Variants in FSTL5 observed in about 807,000 individuals in gnomAD.
FSTL5 encodes the protein follistatin-related protein 5.
FSTL5 carries 62 observed loss-of-function variants against 89.1 expected under a neutral mutation model. That is an observed-to-expected ratio of 0.70 (90% CI 0.57 to 0.86). The LOEUF (loss-of-function observed/expected upper bound fraction) is 0.86, where lower values mean the gene tolerates loss of function less well. Among genes scored for constraint, FSTL5 ranks in the 40% least tolerant of loss-of-function variants. FSTL5 has a pLI of 0.00. For synonymous variants in FSTL5, 383 were observed against 346.2 expected (o/e 1.11, Z -1.18); for missense variants, 1,057 against 1,001.6 (o/e 1.06, Z -0.75).
At chr4:161,929,408 C>G (rs1388427506) in intron 3 of FSTL5, among the ~76,000 whole-genome samples, 1 of 151,592 alleles carries the variant, frequency 6.6e-6, no homozygotes, top group Non-Finnish European at 1.5e-5. Flanking sequence ...GCTCAATATG[C>G]CTGTCTTCTT....
intron 7 of FSTL5, among the ~76,000 whole-genome samples, chr4:161,636,487 G>C (rs1343577923): frequency 3.2e-5 from 3 of 94,808 alleles, no homozygotes; most frequent in Non-Finnish European, 6.4e-5. Flanking sequence ...TATACTTTAA[G>C]TTTTAGGGTA....
chr4:161,688,592 A>G (rs1400784789), intron 6 of FSTL5, among the ~76,000 whole-genome samples: 4 of 152,178 alleles, frequency 2.6e-5, no homozygotes, highest in African/African-American at 9.7e-5. Context: ...AGGGCCATTT[A>G]TATTTCACCA....
intron 3 of FSTL5, among the ~76,000 whole-genome samples, chr4:161,943,642 G>A (rs1300146773): frequency 2.4e-5 from 3 of 124,056 alleles, no homozygotes; most frequent in South Asian, 2.8e-4. Flanking sequence ...TGCAAGCCCC[G>A]CCTCCAAGGT....
At chr4:161,809,409 T>A (rs1036076633) in intron 4 of FSTL5, among the ~76,000 whole-genome samples, 3 of 152,212 alleles carry the variant, frequency 2.0e-5, no homozygotes, top group African/African-American at 7.2e-5. Context: ...GAAGCTGCTA[T>A]GGAAAAGACT....
At chr4:161,459,004 A>C (rs532047453) in intron 14 of FSTL5, among the ~76,000 whole-genome samples, 164 of 152,226 alleles carry the variant, frequency 1.1e-3, no homozygotes, top group Non-Finnish European at 1.8e-3. Context: ...ATATAAATAT[A>C]ACCTTTAATA....
At chr4:161,742,874 A>C (rs913135610) in intron 6 of FSTL5, among the ~76,000 whole-genome samples, 18 of 152,218 alleles carry the variant, frequency 1.2e-4, no homozygotes, top group African/African-American at 4.3e-4. Context: ...ACATTCAAAG[A>C]ATATATTGAT....
chr4:161,789,682 T>G (rs896793248), intron 4 of FSTL5, among the ~76,000 whole-genome samples: 5 of 152,188 alleles, frequency 3.3e-5, no homozygotes, highest in African/African-American at 1.2e-4. Context: ...TCTATCCACA[T>G]GATAGTCATG....
intron 6 of FSTL5, among the ~76,000 whole-genome samples, chr4:161,739,996 C>T (rs892267622): frequency 6.0e-5 from 9 of 149,398 alleles, no homozygotes; most frequent in African/African-American, 9.9e-5. Context: ...AGGATAGTAT[C>T]TATTTATTTA....
chr4:162,085,697 A>C (rs10012213), intron 2 of FSTL5, among the ~76,000 whole-genome samples: 4,300 of 152,128 alleles, frequency 0.028, 145 homozygotes, highest in East Asian at 0.085. Context: ...ATACTTGACA[A>C]AGTATGGACT....
chr4:161,941,099 A>G (rs2110923436), intron 3 of FSTL5, among the ~76,000 whole-genome samples: 1 of 152,044 alleles, frequency 6.6e-6, no homozygotes, highest in Admixed American at 6.6e-5. Context: ...CTAAATTGTT[A>G]TAAATGTAAG....
At chr4:161,849,410 A>G (rs943292010) in intron 4 of FSTL5, among the ~76,000 whole-genome samples, 3 of 150,706 alleles carry the variant, frequency 2.0e-5, no homozygotes, top group South Asian at 4.2e-4. Flanking sequence ...AAACTGCCGG[A>G]AAAAAAAAGC....
intron 13 of FSTL5, among the ~76,000 whole-genome samples, chr4:161,476,909 T>C (rs1449920076): frequency 6.6e-6 from 1 of 152,194 alleles, no homozygotes; most frequent in Non-Finnish European, 1.5e-5. Context: ...TCATTTTTGC[T>C]TACCCTGGCT....
intron 6 of FSTL5, among the ~76,000 whole-genome samples, chr4:161,699,590 T>C (rs890594819): frequency 6.6e-6 from 1 of 152,220 alleles, no homozygotes; most frequent in Non-Finnish European, 1.5e-5. Flanking sequence ...AATTAAACTA[T>C]AAGACACACA....
intron 4 of FSTL5, among the ~76,000 whole-genome samples, chr4:161,853,838 A>T (rs1731637390): frequency 6.6e-6 from 1 of 152,178 alleles, no homozygotes. Context: ...CTGGGGGGAC[A>T]TTAGCATTCT....
At chr4:161,897,324 A>T (rs577551263) in intron 4 of FSTL5, among the ~76,000 whole-genome samples, 12 of 151,898 alleles carry the variant, frequency 7.9e-5, no homozygotes, top group South Asian at 2.1e-4. Flanking sequence ...CACTATTTTT[A>T]TACCTTTCTC....
intron 6 of FSTL5, among the ~76,000 whole-genome samples, chr4:161,680,122 T>C (rs944842081): frequency 5.9e-5 from 9 of 151,912 alleles, no homozygotes; most frequent in Non-Finnish European, 1.3e-4. Flanking sequence ...TTTAAATATG[T>C]TTGTTTACAT....
chr4:161,468,447 T>G (rs529368947), intron 13 of FSTL5, among the ~76,000 whole-genome samples: 4 of 152,002 alleles, frequency 2.6e-5, no homozygotes, highest in African/African-American at 9.7e-5. Context: ...AAACCTGAAT[T>G]ATAGCAGCAG....
chr4:161,832,272 G>C (rs1186212278), intron 4 of FSTL5, among the ~76,000 whole-genome samples: 1 of 152,070 alleles, frequency 6.6e-6, no homozygotes. Flanking sequence ...ACAGTGCAGT[G>C]ATATTTTTTG....
Position 161,397,465 on chromosome 4 carries a change from G to A in FSTL5, c.1842-11016C>T, listed in dbSNP as rs72987260. Among the ~76,000 whole-genome samples the A allele has an allele frequency of 6.2e-3, 937 of 151,588 alleles. 4 individuals carry two copies. Among genetic ancestry groups the A allele is most frequent in the African/African-American group, 0.021 (860 of 41,458 alleles). ...TATAGGCTATATAATATAGTGGGTT[G>A]AGCTAAACACTGTATAATCTAGAGT... On this transcript the variant is annotated intron_variant, in intron 15 of 15. Coordinates refer to ENST00000306100, the MANE Select transcript of FSTL5 (RefSeq NM_020116.5).
Sources: gnomAD v4.1 joint callset for allele counts (sites outside exome capture counted in the v4.1 genomes callset) on GRCh38, gnomAD v4.1.1 for gene constraint, MANE v1.5 for transcripts, NCBI Gene and HGNC (gene_info 2026-07-23, HGNC 2026-07-21) for gene names.